Variants in KDM4C observed in about 807,000 individuals in gnomAD.
The protein encoded by KDM4C is lysine demethylase 4C, also known as lysine-specific demethylase 4C.
KDM4C carries 81 observed loss-of-function variants against 129.3 expected under a neutral mutation model. That is an observed-to-expected ratio of 0.63 (90% CI 0.52 to 0.75). The LOEUF (loss-of-function observed/expected upper bound fraction) is 0.75, where lower values mean the gene tolerates loss of function less well. KDM4C is among the 30% of genes least tolerant of loss of function. KDM4C has a pLI of 0.00. For missense variants in KDM4C, 1,457 were observed against 1,304.0 expected (o/e 1.12, Z -1.81); for synonymous variants, 573 against 456.1 (o/e 1.26, Z -3.26).
At chr9:7,173,387 G>A (rs1300438467) in intron 21 of KDM4C, among the ~76,000 whole-genome samples, 1 of 152,228 alleles carries the variant, frequency 6.6e-6, no homozygotes, top group Non-Finnish European at 1.5e-5. Context: ...TTCTGGCCAG[G>A]TTATGTAGGT....
chr9:6,898,772 C>G (rs1424562863), intron 8 of KDM4C, among the ~76,000 whole-genome samples: 1 of 152,122 alleles, frequency 6.6e-6, no homozygotes, highest in Non-Finnish European at 1.5e-5. Flanking sequence ...TTAGATATTT[C>G]TTAAATCTGG....
At chr9:7,027,931 G>A (rs1318133326) in intron 15 of KDM4C, among the ~76,000 whole-genome samples, 1 of 152,144 alleles carries the variant, frequency 6.6e-6, no homozygotes, top group Admixed American at 6.5e-5. Flanking sequence ...TAAGGCCCTA[G>A]GGCTCTTAAG....
At chr9:6,956,399 T>TA (rs1829076387) in intron 8 of KDM4C, among the ~76,000 whole-genome samples, 1 of 152,114 alleles carries the variant, frequency 6.6e-6, no homozygotes. Flanking sequence ...CATAAAAATT[T>TA]AAAAAATTAA....
At chr9:6,957,402 T>C (rs1021945572) in intron 8 of KDM4C, among the ~76,000 whole-genome samples, 2 of 152,210 alleles carry the variant, frequency 1.3e-5, no homozygotes, top group African/African-American at 4.8e-5. Context: ...TGGCATTCGC[T>C]TTCCATTGAA....
chr9:6,930,604 T>C (rs980695122), intron 8 of KDM4C, among the ~76,000 whole-genome samples: 1 of 136,380 alleles, frequency 7.3e-6, no homozygotes, highest in Non-Finnish European at 1.7e-5. Context: ...ATGTATATAA[T>C]AAAACATGTT....
At chr9:7,158,593 T>C (rs1396352027) in intron 19 of KDM4C, among the ~76,000 whole-genome samples, 1 of 152,218 alleles carries the variant, frequency 6.6e-6, no homozygotes, top group African/African-American at 2.4e-5. Flanking sequence ...TTCATTTCGT[T>C]GTTTACCCAG....
At chr9:6,940,039 T>TTCCTTCCC (rs1375520979) in intron 8 of KDM4C, among the ~76,000 whole-genome samples, 16 of 129,796 alleles carry the variant, frequency 1.2e-4, no homozygotes, top group African/African-American at 3.6e-4. Context: ...CCTTCTTTCC[T>TTCCTTCCC]TCCTTCCCTC....
At chr9:7,119,997 T>C (rs980650012) in intron 18 of KDM4C, among the ~76,000 whole-genome samples, 1 of 152,218 alleles carries the variant, frequency 6.6e-6, no homozygotes, top group Non-Finnish European at 1.5e-5. Context: ...CACCTAGGAA[T>C]GTGCCTTATT....
At chr9:6,821,222 T>C (rs1832977011) in intron 4 of KDM4C, among the ~76,000 whole-genome samples, 2 of 152,192 alleles carry the variant, frequency 1.3e-5, no homozygotes, top group African/African-American at 2.4e-5. Flanking sequence ...TTATAATCCT[T>C]TGGGTATATA....
At chr9:6,723,774 C>T (rs565195881) in intron 1 of KDM4C, 8 of 152,254 alleles carry the variant, frequency 5.3e-5, no homozygotes, top group East Asian at 3.9e-4. Flanking sequence ...AGATTTCCAA[C>T]GCCTGCCAAA....
At position 6,792,966 on chromosome 9, in the gene KDM4C, C is replaced by T. The variant is rs560264028; in HGVS notation, c.-17-6C>T. 3 of 1,613,996 alleles carry T rather than the reference C, an allele frequency of 1.9e-6. No homozygotes were observed. Among genetic ancestry groups the T allele is most frequent in the South Asian group, 1.1e-5 (1 of 91,058 alleles). ...AGTTCTGTTGACCCTACTGTCTTCT[C>T]TCCAGACACTGCCCTAACCATCATG... is the stretch of plus-strand genomic sequence containing the variant. On this transcript the variant is annotated splice_polypyrimidine_tract_variant and splice_region_variant and intron_variant, in intron 1 of 21. Transcript: ENST00000381309.
At chr9:6,726,163 A>G (rs192317560) in intron 1 of KDM4C, among the ~76,000 whole-genome samples, 40 of 152,192 alleles carry the variant, frequency 2.6e-4, no homozygotes, top group Non-Finnish European at 5.0e-4. Context: ...TCCTCAGGCA[A>G]TCCGCCTGCC....
chr9:7,076,040 C>A (rs1833872191), intron 17 of KDM4C, among the ~76,000 whole-genome samples: 1 of 152,174 alleles, frequency 6.6e-6, no homozygotes, highest in African/African-American at 2.4e-5. Flanking sequence ...GTGAGCCTTG[C>A]ACTGAGTGCT....
chr9:6,863,497 A>G (rs1432346387), intron 5 of KDM4C, among the ~76,000 whole-genome samples: 2 of 152,084 alleles, frequency 1.3e-5, no homozygotes, highest in African/African-American at 2.4e-5. Context: ...CAGAGATCAC[A>G]TGGTAAGAGA....
upstream of KDM4C, among the ~76,000 whole-genome samples, chr9:6,756,466 C>CAGCACTTTGGG (rs1267306852): frequency 1.3e-5 from 2 of 152,208 alleles, no homozygotes; most frequent in African/African-American, 4.8e-5. Flanking sequence ...CCTGTAATCC[C>CAGCACTTTGGG]AGCACTTTGG....
At chr9:6,859,206 G>A (rs572816986) in intron 5 of KDM4C, among the ~76,000 whole-genome samples, 47 of 152,212 alleles carry the variant, frequency 3.1e-4, no homozygotes, top group Middle Eastern at 6.8e-3. Flanking sequence ...GGCCGGGTAC[G>A]GTGGTTCATG....
At chr9:6,782,488 G>T (rs1243940367) in intron 1 of KDM4C, among the ~76,000 whole-genome samples, 11 of 152,138 alleles carry the variant, frequency 7.2e-5, no homozygotes, top group Admixed American at 7.2e-4. Context: ...GTTCTTATGA[G>T]ATTTAATTAA....
At chr9:6,825,814 T>TTC (rs981787265) in intron 4 of KDM4C, among the ~76,000 whole-genome samples, 2 of 152,124 alleles carry the variant, frequency 1.3e-5, no homozygotes, top group African/African-American at 4.8e-5. Flanking sequence ...TTTTATTTAT[T>TTC]TCTCTGTCTC....
At position 7,139,482 on chromosome 9, in the gene KDM4C, A is replaced by G. The variant is rs374022952; in HGVS notation, c.2781+11246A>G. Among the ~76,000 whole-genome samples, 62 of 152,344 alleles carry G rather than the reference A, an allele frequency of 4.1e-4. 1 individual carries two copies. In the South Asian group the frequency reaches 0.013, roughly 31 times the overall value. On this transcript the variant is annotated intron_variant, in intron 19 of 21. Transcript: ENST00000381309. ...AACACCTGAAGTCATGTTGAAATAC[A>G]GACTATAAGAGAACTATGGAAAGAA...
Sources: allele counts gnomAD v4.1 joint callset (sites outside exome capture counted in the v4.1 genomes callset), GRCh38; gene constraint gnomAD v4.1.1; transcripts MANE v1.5; gene names NCBI Gene and HGNC (gene_info 2026-07-23, HGNC 2026-07-21).